HSPG2: variants seen among roughly 807,000 people sequenced by gnomAD.
The protein encoded by HSPG2 is basement membrane-specific heparan sulfate proteoglycan core protein.
A neutral mutation model predicts 526.6 loss-of-function variants in HSPG2; 278 were observed. The observed-to-expected ratio is 0.53, with a 90% confidence interval of 0.48 to 0.58. HSPG2 has a LOEUF of 0.58. HSPG2 is among the 20% of genes least tolerant of loss of function. The pLI is 0.00. For synonymous variants in HSPG2, 2,465 were observed against 2,555.4 expected (o/e 0.96, Z 1.07); for missense variants, 5,354 against 6,099.5 (o/e 0.88, Z 4.07).
At chr1:21,918,520 GATT>G (rs1239572165) in intron 1 of HSPG2, among the ~76,000 whole-genome samples, 1 of 151,264 alleles carries the variant, frequency 6.6e-6, no homozygotes, top group African/African-American at 2.4e-5. Flanking sequence ...CTTATTGGGA[GATT>G]ATTTGTACTT....
At chr1:21,935,117 G>A (rs1644454891) in intron 1 of HSPG2, among the ~76,000 whole-genome samples, 1 of 151,358 alleles carries the variant, frequency 6.6e-6, no homozygotes, top group African/African-American at 2.4e-5. Context: ...ATGTTGGCCA[G>A]GCTGGTCTCA....
At position 21,898,090 on chromosome 1, in the gene HSPG2, C is replaced by A. The variant is rs146410001; in HGVS notation, c.64-1780G>T. ...TTGAATGAATGAATAAATGAACGGA[C>A]AAAAACGGAATTCATCACCTATGAA... On this transcript the variant is annotated intron_variant, in intron 1 of 96. Coordinates refer to ENST00000374695, the MANE Select transcript of HSPG2 (RefSeq NM_005529.7). The surrounding 1 kb of genome is among the most constrained non-coding windows in gnomAD (Gnocchi z 4.0). Among the ~76,000 whole-genome samples the A allele has an allele frequency of 3.7e-3, 566 of 152,284 alleles. 5 individuals carry two copies. The highest frequency in any genetic ancestry group is 0.024 in the Middle Eastern group (7 of 294).
Position 21,841,541 on chromosome 1 carries a change from T to A in HSPG2, c.9326A>T (p.His3109Leu). The A allele has an allele frequency of 6.2e-7, 1 of 1,614,208 alleles. No homozygotes were observed. Among genetic ancestry groups the A allele is most frequent in the Non-Finnish European group, 8.5e-7 (1 of 1,180,020 alleles). ...VAQSVVNLSV[H>L]GPPTVSVLPE... ...CCACAGGGTCAACGTCCCCTCACCG[T>A]GCACACTGAGGTTCACCACACTCTG... The change falls in exon 70 of 97, where the codon CAC becomes CTC. Residue 3109 changes from histidine (H) to leucine (L), a missense_variant and splice_region_variant. His to Leu is a moderately conservative substitution (Grantham distance 99). Transcript: ENST00000374695.
At position 21,839,077 on chromosome 1, in the gene HSPG2, A is replaced by G; in HGVS notation, c.9898T>C (p.Tyr3300His). 1.3e-6 allele frequency: 2 copies of G among 1,582,848 alleles called. No homozygotes were observed. The highest frequency in any genetic ancestry group is 1.7e-6 in the Non-Finnish European group (2 of 1,159,422). The change falls in exon 74 of 97, where the codon TAT (tyrosine) becomes CAT (histidine). Residue 3300 changes from tyrosine to histidine, a missense_variant. Tyr to His is a moderately conservative substitution (Grantham distance 83, BLOSUM62 2). Coordinates refer to ENST00000374695, the MANE Select transcript of HSPG2 (RefSeq NM_005529.7). This position sits in a 1 kb window ranked among gnomAD's most constrained non-coding sequence, Gnocchi z 4.5. ...GCGTGCTCTGGGACCGTGGTGGCAT[A>G]TGGTGGGCCTGAGTGGGGGGACACA... ...TIILHVESPP[Y>H]ATTVPEHASV...
chr1:21,922,321 C>CA (rs1204161518), intron 1 of HSPG2, among the ~76,000 whole-genome samples: 4 of 152,198 alleles, frequency 2.6e-5, no homozygotes, highest in Non-Finnish European at 5.9e-5. Flanking sequence ...GACACTGTCC[C>CA]AAAGTGCAAC....
chr1:21,823,886 C>T lies in HSPG2; in HGVS notation c.12900-167G>A, dbSNP rs190429437. 268 of 732,714 alleles carry T rather than the reference C, an allele frequency of 3.7e-4. 1 individual carries two copies. The highest frequency in any genetic ancestry group is 5.5e-4 in the Non-Finnish European group (231 of 423,834). 45.4% of individuals were successfully genotyped at this position (732,714 alleles called of 1,614,324 possible). A position where few individuals can be genotyped will look rare whatever the true frequency, so the allele number is the denominator to read the frequency against. On this transcript the variant is annotated intron_variant, in intron 95 of 96. Transcript: ENST00000374695. ...AACGAGAGATCGGGCCCCACAAACA[C>T]AGCTTCCTCATTTCTGCACCCAGGT... is the stretch of plus-strand genomic sequence containing the variant.
chr1:21,854,797 G>T (rs1256474119), intron 48 of HSPG2, 32 bp from the exon 49 acceptor site: 4 of 1,612,910 alleles, frequency 2.5e-6, no homozygotes, highest in Non-Finnish European at 3.4e-6. Context: ...GCAGGCCCCA[G>T]GGGAGCCCTG....
At chr1:21,868,827 G>A (rs1176704688) in intron 33 of HSPG2, 1 of 503,442 alleles carries the variant, frequency 2.0e-6, no homozygotes, top group Non-Finnish European at 2.6e-6. Context: ...TTGACAAAGG[G>A]CCCTCTGATA....
Position 21,836,821 on chromosome 1 carries a change from C to T in HSPG2, c.10336G>A (p.Val3446Met), listed in dbSNP as rs573946760. ...ACTCACCGGAGCACCCCATCCTGCA[C>T]GCTGTGACCCGGAGGCAGCTGACCC... ...EGGQLPPGHS[V>M]QDGVLRIQNL... The change falls in exon 75 of 97, where the codon GTG (valine) becomes ATG (methionine). Residue 3446 changes from valine to methionine, a missense_variant. Transcript: ENST00000374695. 3.9e-5 allele frequency: 62 copies of T among 1,569,710 alleles called. No individual in the cohort carries two copies. The highest frequency in any genetic ancestry group is 6.7e-5 in the African/African-American group (5 of 74,124).
At position 21,829,402 on chromosome 1, in the gene HSPG2, G is replaced by C. The variant is rs1433704345; in HGVS notation, c.11973C>G (p.Phe3991Leu). The C allele has an allele frequency of 6.2e-7, 1 of 1,613,294 alleles. No homozygotes were observed. The highest frequency in any genetic ancestry group is 1.3e-5 in the African/African-American group (1 of 74,924). ...SLAMVGGHLE[F>L]RYELGSGLAV... ...GCTTACCTGACCCCAACTCATAGCGGAACTCCAGGTGGCCGCCCACCATCG... is the reference window on the plus strand; with the variant it reads ...GCTTACCTGACCCCAACTCATAGCGCAACTCCAGGTGGCCGCCCACCATCG... Residue 3991 changes from phenylalanine to leucine, a missense_variant, in exon 87 of 97, where the codon TTC (phenylalanine) becomes TTG (leucine). Coordinates refer to ENST00000374695, the MANE Select transcript of HSPG2 (RefSeq NM_005529.7).
chr1:21,887,638 A>G lies in HSPG2; in HGVS notation c.740T>C (p.Leu247Pro). The change falls in exon 8 of 97, where the codon CTC (leucine) becomes CCC (proline). Residue 247 changes from leucine (L) to proline (P), a missense_variant. Coordinates refer to ENST00000374695, the MANE Select transcript of HSPG2 (RefSeq NM_005529.7). The surrounding 1 kb of genome is among the most constrained non-coding windows in gnomAD (Gnocchi z 5.0). ...PVLGISPTFS[L>P]LVETTSLPPR... ...CGGTAAAGATGTCGTCTCCACAAGG[A>G]GAGAGAATGTGGGGCTGATACCCAG... 6.2e-7 allele frequency: 1 copy of G among 1,613,918 alleles called. No homozygotes were observed. The highest frequency in any genetic ancestry group is 8.5e-7 in the Non-Finnish European group (1 of 1,179,984).
intron 1 of HSPG2, among the ~76,000 whole-genome samples, chr1:21,924,543 T>G (rs1644133008): frequency 6.6e-6 from 1 of 151,980 alleles, no homozygotes; most frequent in South Asian, 2.1e-4. Flanking sequence ...TTTCTTCTGC[T>G]TGGAAGACGG....
chr1:21,843,058 G>A, intron 66 of HSPG2, 137 bp from the exon 67 acceptor site: 1 of 1,094,800 alleles, frequency 9.1e-7, no homozygotes, highest in African/African-American at 1.5e-5. Flanking sequence ...AACCTAAGAA[G>A]GGTCTCCTTT....
At chr1:21,921,977 G>A (rs531195420) in intron 1 of HSPG2, among the ~76,000 whole-genome samples, 32 of 152,194 alleles carry the variant, frequency 2.1e-4, no homozygotes, top group Non-Finnish European at 3.2e-4. Flanking sequence ...GGGACTTAGG[G>A]CCTTCCCATA....
At chr1:21,914,988 G>A (rs1017114785) in intron 1 of HSPG2, among the ~76,000 whole-genome samples, 3 of 152,218 alleles carry the variant, frequency 2.0e-5, no homozygotes, top group Admixed American at 1.3e-4. Flanking sequence ...CTGGTTCTGG[G>A]TGTCAGACGT....
Position 21,859,959 on chromosome 1 carries a change from G to T in HSPG2, c.5058C>A (p.Ser1686Arg). 6.2e-7 allele frequency: 1 copy of T among 1,610,940 alleles called. No individual in the cohort carries two copies. Among genetic ancestry groups the T allele is most frequent in the Non-Finnish European group, 8.5e-7 (1 of 1,179,480 alleles). The stretch of plus-strand genomic sequence containing the variant: ...AGTGGGAGCCACCTTGGGGCACTAT[G>T]CTTCGAGCAGGATGGACCTCGACCA... The part of the protein sequence containing the change: ...PLVVEVHPAR[S>R]IVPQGGSHSL... Residue 1686 changes from serine (S) to arginine (R), a missense_variant, in exon 41 of 97, where the codon AGC becomes AGA. Coordinates refer to ENST00000374695, the MANE Select transcript of HSPG2 (RefSeq NM_005529.7). The surrounding 1 kb of genome is among the most constrained non-coding windows in gnomAD (Gnocchi z 5.3).
Position 21,873,277 on chromosome 1 carries a change from G to C in HSPG2, c.3793+98C>G, listed in dbSNP as rs57424770. On this transcript the variant is annotated intron_variant, in intron 30 of 96. Coordinates refer to ENST00000374695, the MANE Select transcript of HSPG2 (RefSeq NM_005529.7). The stretch of plus-strand genomic sequence containing the variant: ...ATTTTACAGATGAAGAAACAGGCTC[G>C]GACAGGCAAAGCCAAAGGGGAGTAA... The C allele has an allele frequency of 1.1e-5, 16 of 1,414,676 alleles. No individual in the cohort carries two copies. The East Asian group carries it at 3.4e-4, about 30-fold the overall frequency. 87.6% of individuals were successfully genotyped at this position (1,414,676 alleles called of 1,614,324 possible).
chr1:21,831,706 G>C lies in HSPG2; in HGVS notation c.11298C>G (p.Leu3766=), dbSNP rs111250201. Residue 3766 remains leucine, a synonymous_variant, in exon 82 of 97, where the codon CTC becomes CTG. Transcript: ENST00000374695. ...CACCCACAATCAGGGAGCCCTGGGT[G>C]AGGCTGCGCAGCAGGGTCACGGTGT... is the stretch of plus-strand genomic sequence containing the variant. ...HFHTVTLLRS[L]TQGSLIVGDL... 4.0e-5 allele frequency: 64 copies of C among 1,606,408 alleles called. No homozygotes were observed. The African/African-American group carries it at 8.3e-4, about 21-fold the overall frequency.
chr1:21,846,884 C>T (rs1270157377), intron 62 of HSPG2, among the ~76,000 whole-genome samples: 1 of 152,082 alleles, frequency 6.6e-6, no homozygotes, highest in African/African-American at 2.4e-5. Context: ...CCTGTAGTCT[C>T]AGCTACTCGG....
Sources: gnomAD v4.1 joint callset for allele counts (sites outside exome capture counted in the v4.1 genomes callset) on GRCh38, gnomAD v4.1.1 for gene constraint, Gnocchi (gnomAD v3.1) non-coding constraint, MANE v1.5 for transcripts, NCBI Gene and HGNC (gene_info 2026-07-23, HGNC 2026-07-21) for gene names.